The following GABRG3 variants were observed in gnomAD, a reference collection of about 807,000 sequenced individuals.
GABRG3 encodes the protein gamma-aminobutyric acid type A receptor subunit gamma3, also known as gamma-aminobutyric acid receptor subunit gamma-3.
A neutral mutation model predicts 48.8 loss-of-function variants in GABRG3; 25 were observed. The observed-to-expected ratio is 0.51, with a 90% CI of 0.37 to 0.72. GABRG3 has a LOEUF of 0.72. GABRG3 is among the 30% of genes least tolerant of loss of function. The pLI, the probability that GABRG3 is intolerant of heterozygous loss-of-function variation, is 0.00. For missense variants in GABRG3, 394 were observed against 577.9 expected (o/e 0.68, Z 3.26); for synonymous variants, 227 against 217.6 (o/e 1.04, Z -0.38).
At chr15:27,091,257 A>C (rs1897179914) in intron 3 of GABRG3, among the ~76,000 whole-genome samples, 1 of 151,930 alleles carries the variant, frequency 6.6e-6, no homozygotes. Context: ...TTTTCTCTTC[A>C]TTCTGTTAAT....
intron 5 of GABRG3, among the ~76,000 whole-genome samples, chr15:27,371,847 C>A (rs1294019793): frequency 6.6e-6 from 1 of 152,076 alleles, no homozygotes; most frequent in Non-Finnish European, 1.5e-5. Context: ...AAGTATCATA[C>A]TATTTAAAAT....
intron 3 of GABRG3, among the ~76,000 whole-genome samples, chr15:27,030,252 A>T (rs958112046): frequency 1.3e-5 from 2 of 152,214 alleles, no homozygotes; most frequent in African/African-American, 4.8e-5. Flanking sequence ...TTAACAATCA[A>T]TGAAACAGGG....
chr15:27,277,809 A>C (rs1891304252), intron 3 of GABRG3, among the ~76,000 whole-genome samples: 1 of 152,302 alleles, frequency 6.6e-6, no homozygotes, highest in Admixed American at 6.5e-5. Context: ...AGGCCATTAA[A>C]GCATTATCTT....
At chr15:27,388,943 A>G (rs1053611418) in intron 5 of GABRG3, among the ~76,000 whole-genome samples, 2 of 152,186 alleles carry the variant, frequency 1.3e-5, no homozygotes, top group African/African-American at 4.8e-5. Context: ...TGATTTTGCT[A>G]GTTACACAAT....
chr15:27,494,251 CA>C (rs1170857223), intron 6 of GABRG3, among the ~76,000 whole-genome samples: 1 of 151,800 alleles, frequency 6.6e-6, no homozygotes, highest in African/African-American at 2.4e-5. Context: ...ATTAACAATA[CA>C]ACATTAATAT....
chr15:27,380,761 TG>T (rs1342046665), intron 5 of GABRG3, among the ~76,000 whole-genome samples: 11 of 89,810 alleles, frequency 1.2e-4, no homozygotes, highest in Admixed American at 3.4e-4. Flanking sequence ...GTGTTCTGTG[TG>T]GTTTTTTTTT....
At chr15:27,145,313 C>A (rs1898178369) in intron 3 of GABRG3, among the ~76,000 whole-genome samples, 1 of 151,812 alleles carries the variant, frequency 6.6e-6, no homozygotes, top group Non-Finnish European at 1.5e-5. Flanking sequence ...GTAAGAAAGA[C>A]ATCTCACCAA....
chr15:27,111,576 C>T (rs934786868), intron 3 of GABRG3, among the ~76,000 whole-genome samples: 1 of 152,152 alleles, frequency 6.6e-6, no homozygotes, highest in Non-Finnish European at 1.5e-5. Context: ...AGTAGCAGAG[C>T]TTCACAGCCT....
chr15:27,318,795 G>T (rs1322358186), intron 3 of GABRG3, among the ~76,000 whole-genome samples: 2 of 152,058 alleles, frequency 1.3e-5, no homozygotes, highest in East Asian at 1.9e-4. Context: ...CCTCTCTGGG[G>T]GTCTAAGGGT....
At chr15:27,326,129 A>G (rs1893605166) in intron 3 of GABRG3, among the ~76,000 whole-genome samples, 1 of 152,314 alleles carries the variant, frequency 6.6e-6, no homozygotes, top group African/African-American at 2.4e-5. Flanking sequence ...CTTACTGGGC[A>G]CCGTGAACAC....
chr15:27,528,070 G>A, intron 9 of GABRG3, 78 bp downstream of exon 9: 2 of 1,020,174 alleles, frequency 2.0e-6, no homozygotes, highest in East Asian at 2.6e-5. Flanking sequence ...ATAGATTGCT[G>A]TTGATGCATG....
intron 6 of GABRG3, among the ~76,000 whole-genome samples, chr15:27,512,203 AATT>A (rs1398403549): frequency 1.3e-5 from 2 of 152,206 alleles, no homozygotes; most frequent in South Asian, 2.1e-4. Flanking sequence ...CAACGATTAC[AATT>A]ATTATTATAT....
rs1462434048 is a variant in GABRG3, at chr15:27,437,888, G to A, written c.575-42762G>A. 2.0e-5 allele frequency among the ~76,000 whole-genome samples: 3 copies of A among 152,284 alleles called. No homozygotes were observed. The East Asian group carries it at 5.8e-4, about 29-fold the overall frequency. On this transcript the variant is annotated intron_variant, in intron 5 of 9. Coordinates refer to ENST00000615808, the MANE Select transcript of GABRG3 (RefSeq NM_033223.5). ...TCCATGTGTGCAGAGATCCCATGGT[G>A]AGAAAAGAAGCAAGAGAGAGGAGGA...
intron 7 of GABRG3, among the ~76,000 whole-genome samples, chr15:27,522,722 A>G (rs1891188014): frequency 1.3e-5 from 2 of 151,838 alleles, no homozygotes; most frequent in African/African-American, 2.4e-5. Flanking sequence ...ATAGGAGCAT[A>G]TAATAATAAT....
In GABRG3 at chr15:27,160,799, T is replaced by A. The variant is rs373004647; in HGVS notation, c.270+133978T>A. The stretch of plus-strand genomic sequence containing the variant: ...CTGGCCTCTCATGAATAAGTAGATA[T>A]GAAGCACTCCTGGCTGGTTGGAAGT... On this transcript the variant is annotated intron_variant, in intron 3 of 9. Transcript: ENST00000615808. Among the ~76,000 whole-genome samples the A allele has an allele frequency of 7.2e-5, 11 of 152,252 alleles. No individual in the cohort carries two copies. The East Asian group carries it at 1.5e-3, about 21-fold the overall frequency.
intron 3 of GABRG3, among the ~76,000 whole-genome samples, chr15:27,056,693 C>T (rs1896554340): frequency 6.6e-6 from 1 of 152,114 alleles, no homozygotes. Context: ...CCCACGGTGG[C>T]TTCCACTGCA....
intron 6 of GABRG3, among the ~76,000 whole-genome samples, chr15:27,490,866 G>A (rs72707665): frequency 0.041 from 6,249 of 152,086 alleles, 181 homozygotes; most frequent in Non-Finnish European, 0.066. Context: ...GTGGCCCCAC[G>A]TGTGGCCCTT....
At chr15:27,143,288 T>G (rs1323809568) in intron 3 of GABRG3, among the ~76,000 whole-genome samples, 2 of 152,106 alleles carry the variant, frequency 1.3e-5, no homozygotes, top group Non-Finnish European at 2.9e-5. Flanking sequence ...CTGTGTTGTG[T>G]AGGCTGGTCT....
chr15:27,397,091 T>TA (rs1281626648), intron 5 of GABRG3, among the ~76,000 whole-genome samples: 3 of 152,214 alleles, frequency 2.0e-5, no homozygotes, highest in Admixed American at 6.5e-5. Flanking sequence ...ACATAAACTT[T>TA]AAAAAAATCT....
Sources: gnomAD v4.1 joint callset for allele counts (sites outside exome capture counted in the v4.1 genomes callset) on GRCh38, gnomAD v4.1.1 for gene constraint, MANE v1.5 for transcripts, NCBI Gene and HGNC (gene_info 2026-07-23, HGNC 2026-07-21) for gene names.